The following CCDC3 variants were observed in gnomAD, a reference collection of about 807,000 sequenced individuals.
CCDC3 encodes the protein coiled-coil domain-containing protein 3.
Under a neutral mutation model 21.4 loss-of-function variants are expected in CCDC3, and 24 were observed. The ratio of observed to expected loss-of-function variants is 1.12; its 90% CI spans 0.81 to 1.58. The LOEUF (loss-of-function observed/expected upper bound fraction) is 1.58. CCDC3 is among the 40% of genes most tolerant of loss of function. The pLI is 0.00. For missense variants in CCDC3, 425 were observed against 360.9 expected (o/e 1.18, Z -1.44); for synonymous variants, 186 against 166.0 (o/e 1.12, Z -0.93).
chr10:12,933,601 C>T (rs1834687161), intron 2 of CCDC3, among the ~76,000 whole-genome samples: 1 of 151,910 alleles, frequency 6.6e-6, no homozygotes, highest in Non-Finnish European at 1.5e-5. Flanking sequence ...GGCTTACAGA[C>T]ATGCACAACC....
At chr10:12,928,414 C>T (rs1237948318) in intron 2 of CCDC3, among the ~76,000 whole-genome samples, 2 of 152,138 alleles carry the variant, frequency 1.3e-5, no homozygotes, top group African/African-American at 4.8e-5. Context: ...TCCCTCCAAC[C>T]GTTTTAGGAA....
At chr10:13,047,637 A>T (rs1002802331) in intron 5 of CCDC3, among the ~76,000 whole-genome samples, 3 of 152,156 alleles carry the variant, frequency 2.0e-5, no homozygotes, top group African/African-American at 7.2e-5. Flanking sequence ...AGACTTCAGT[A>T]ATCTGCTCCG....
chr10:13,052,432 GTTTTA>G (rs1371671923), intron 4 of CCDC3, among the ~76,000 whole-genome samples: 1 of 152,122 alleles, frequency 6.6e-6, no homozygotes, highest in Non-Finnish European at 1.5e-5. Context: ...CAGGTACGTT[GTTTTA>G]TTCTATTCCA....
At chr10:12,978,191 T>C (rs1835444591) in intron 2 of CCDC3, among the ~76,000 whole-genome samples, 1 of 151,900 alleles carries the variant, frequency 6.6e-6, no homozygotes, top group Admixed American at 6.6e-5. Flanking sequence ...GCTAAGTTTT[T>C]TGTATTTAGT....
At chr10:13,020,431 G>A (rs1589042182) in intron 5 of CCDC3, among the ~76,000 whole-genome samples, 2 of 152,264 alleles carry the variant, frequency 1.3e-5, no homozygotes, top group Non-Finnish European at 1.5e-5. Flanking sequence ...GCAAACAAAG[G>A]ACAAAGCTTA....
rs367886080 is a variant in CCDC3, at chr10:13,046,413, G to GA, written c.-2+3260dup. On this transcript the variant is annotated intron_variant, in intron 5 of 6. Coordinates refer to the CCDC3 transcript ENST00000378839. ...AGAGCAAGACCCTGTCTCAAAAAAAGAAAAAAAAAAAGGCCAGGTGCGGTG... is the reference window on the plus strand; with the variant it reads ...AGAGCAAGACCCTGTCTCAAAAAAAGAAAAAAAAAAAAGGCCAGGTGCGGTG... 7.8e-3 allele frequency among the ~76,000 whole-genome samples: 974 copies of GA among 125,618 alleles called. 8 individuals carry two copies. The highest frequency in any genetic ancestry group is 0.022 in the African/African-American group (794 of 35,720). The allele number at this position is 125,618 out of a possible 152,430, so 82.4% of individuals were successfully genotyped here. A position where few individuals can be genotyped will look rare whatever the true frequency, so the allele number is the denominator to read the frequency against.
intron 2 of CCDC3, among the ~76,000 whole-genome samples, chr10:12,922,267 C>T (rs531193147): frequency 6.6e-6 from 1 of 152,290 alleles, no homozygotes; most frequent in African/African-American, 2.4e-5. Context: ...AGCACAGGCT[C>T]CCAAGTTACC....
chr10:13,085,954 G>C (rs963142966), intron 3 of CCDC3, among the ~76,000 whole-genome samples: 2 of 146,608 alleles, frequency 1.4e-5, no homozygotes, highest in African/African-American at 5.0e-5. Context: ...GTGACAGAGA[G>C]AGACTCCCTC....
At chr10:13,043,575 C>T (rs950265059) in intron 5 of CCDC3, among the ~76,000 whole-genome samples, 1 of 151,972 alleles carries the variant, frequency 6.6e-6, no homozygotes, top group Non-Finnish European at 1.5e-5. Context: ...CCAGGGGGGA[C>T]AGAGTGAGAC....
chr10:12,907,512 G>GT (rs1366691497), intron 2 of CCDC3, among the ~76,000 whole-genome samples: 1 of 152,172 alleles, frequency 6.6e-6, no homozygotes, highest in African/African-American at 2.4e-5. Context: ...AGGTGTGGTG[G>GT]TGCACACCTA....
intron 2 of CCDC3, among the ~76,000 whole-genome samples, chr10:12,954,234 A>T (rs1474666685): frequency 6.6e-6 from 1 of 152,192 alleles, no homozygotes; most frequent in South Asian, 2.1e-4. Context: ...CAGAAAATCA[A>T]TACTCTAGTA....
At chr10:13,048,403 AG>A (rs1836558643) in intron 5 of CCDC3, among the ~76,000 whole-genome samples, 1 of 152,110 alleles carries the variant, frequency 6.6e-6, no homozygotes, top group African/African-American at 2.4e-5. Context: ...CATGTTGGCC[AG>A]GACAGTCTTG....
At chr10:12,941,147 C>T (rs1007656515) in intron 2 of CCDC3, among the ~76,000 whole-genome samples, 2 of 152,154 alleles carry the variant, frequency 1.3e-5, no homozygotes, top group Admixed American at 1.3e-4. Flanking sequence ...AGTAAACAAG[C>T]GGCTAAAACC....
chr10:13,034,496 A>G (rs1458850001), intron 5 of CCDC3, among the ~76,000 whole-genome samples: 5 of 150,750 alleles, frequency 3.3e-5, no homozygotes, highest in Non-Finnish European at 7.4e-5. Flanking sequence ...TATAATTTTA[A>G]AAAAGAATTC....
chr10:12,933,113 T>G (rs1441002994), intron 2 of CCDC3, among the ~76,000 whole-genome samples: 1 of 152,208 alleles, frequency 6.6e-6, no homozygotes, highest in Non-Finnish European at 1.5e-5. Flanking sequence ...ATGGGTCTAT[T>G]GTTTTCTTGT....
In CCDC3 at chr10:13,068,977, C is replaced by T. The variant is rs188909745; in HGVS notation, c.-270+4891G>A. Reference sequence around the variant, plus strand: ...AAGGAGTATAAAAATTAATCTTGGCCGGGTGTGGTGGCTCATGCCTGTAAT... The same window carrying T: ...AAGGAGTATAAAAATTAATCTTGGCTGGGTGTGGTGGCTCATGCCTGTAAT... On this transcript the variant is annotated intron_variant, in intron 4 of 6. Coordinates refer to the CCDC3 transcript ENST00000378839. 1.5e-3 allele frequency among the ~76,000 whole-genome samples: 227 copies of T among 152,254 alleles called. 1 individual carries two copies. The Middle Eastern group carries it at 0.024, about 16-fold the overall frequency.
At chr10:12,970,744 G>A (rs908607368) in intron 2 of CCDC3, among the ~76,000 whole-genome samples, 4 of 152,076 alleles carry the variant, frequency 2.6e-5, no homozygotes, top group African/African-American at 9.7e-5. Flanking sequence ...AACGTAGCTG[G>A]GCATGGTGGC....
chr10:12,994,383 G>A (rs913877024), intron 2 of CCDC3, among the ~76,000 whole-genome samples: 1 of 148,126 alleles, frequency 6.8e-6, no homozygotes, highest in Admixed American at 6.7e-5. Flanking sequence ...GGGCAACAGA[G>A]CAAGACTCCG....
chr10:13,077,230 G>A (rs1036449901), intron 3 of CCDC3, among the ~76,000 whole-genome samples: 1 of 152,038 alleles, frequency 6.6e-6, no homozygotes, highest in Non-Finnish European at 1.5e-5. Context: ...CAAACAGAGA[G>A]CCAAATCATG....
Sources: gnomAD v4.1 joint callset for allele counts (sites outside exome capture counted in the v4.1 genomes callset) on GRCh38, gnomAD v4.1.1 for gene constraint, MANE v1.5 for transcripts, NCBI Gene and HGNC (gene_info 2026-07-23, HGNC 2026-07-21) for gene names.